The following PCSK7 variants were observed in gnomAD, a reference collection of about 807,000 sequenced individuals.
PCSK7 encodes lymphoma proprotein convertase.
PCSK7 carries 38 observed loss-of-function variants against 73.3 expected under a neutral mutation model. The observed-to-expected ratio is 0.52, with a 90% CI of 0.40 to 0.68. PCSK7 has a LOEUF of 0.68. PCSK7 is among the 30% of genes least tolerant of loss of function. The pLI, the probability that PCSK7 is intolerant of heterozygous loss-of-function variation, is 0.00. For missense variants in PCSK7, 692 were observed against 991.5 expected (o/e 0.70, Z 4.06); for synonymous variants, 296 against 383.8 (o/e 0.77, Z 2.68).
At chr11:117,224,576 T>G in intron 7 of PCSK7, 125 bp downstream of exon 7, 2 of 828,876 alleles carry the variant, frequency 2.4e-6, no homozygotes, top group Admixed American at 1.8e-5. Flanking sequence ...ACGTTAGGTG[T>G]TCTCTTCCTG....
At chr11:117,230,104 T>G in intron 2 of PCSK7, 1 of 446,166 alleles carries the variant, frequency 2.2e-6, no homozygotes, top group South Asian at 4.3e-5. Flanking sequence ...CAGCCAATCC[T>G]CACGACACCA....
At chr11:117,224,610 G>C in intron 7 of PCSK7, 91 bp downstream of exon 7, 1 of 1,014,314 alleles carries the variant, frequency 9.9e-7, no homozygotes, top group South Asian at 1.3e-5. Context: ...CGTGGAGGTG[G>C]AGTGGGAAGA....
chr11:117,208,828 C>A (rs2031568813), intron 13 of PCSK7, 69 bp downstream of exon 13: 6 of 1,486,678 alleles, frequency 4.0e-6, no homozygotes, highest in Non-Finnish European at 4.5e-6. Context: ...GGATCCACTT[C>A]TTCCATTTCT....
At chr11:117,209,304 A>G (rs1003537244) in intron 12 of PCSK7, 2 of 407,668 alleles carry the variant, frequency 4.9e-6, no homozygotes, top group African/African-American at 4.4e-5. Context: ...AGCAACTTCA[A>G]TCATTCATTC....
At chr11:117,223,155 C>T (rs1183322821) in intron 9 of PCSK7, 53 bp downstream of exon 9, 43 of 1,017,062 alleles carry the variant, frequency 4.2e-5, no homozygotes, top group Admixed American at 3.0e-4. Flanking sequence ...ATGTCTGAGA[C>T]GTGAAGTCTT....
In PCSK7 at chr11:117,224,166, G is replaced by A. The variant is rs771910214; in HGVS notation, c.966C>T (p.Ile322=). 5.0e-6 allele frequency: 8 copies of A among 1,614,078 alleles called. No homozygotes were observed. The African/African-American group carries it at 1.1e-4, about 22-fold the overall frequency. The change falls in exon 8 of 17, where the codon ATC becomes ATT. Residue 322 remains isoleucine, a synonymous_variant. Transcript: ENST00000320934. Reference sequence around the variant, plus strand: ...CTCCGTTGCCACTGGCTACCACAAAGATGCTCCCAAAGCCCTGGCGACCAG... The same window carrying A: ...CTCCGTTGCCACTGGCTACCACAAAAATGCTCCCAAAGCCCTGGCGACCAG... ...VIAGRQGFGS[I]FVVASGNGGQ...
chr11:117,226,437 C>A, intron 5 of PCSK7: 1 of 187,870 alleles, frequency 5.3e-6, no homozygotes. Context: ...AGCCCCCACG[C>A]CCAGCCCATT....
chr11:117,229,803 G>T lies in PCSK7; in HGVS notation c.42C>A (p.Pro14=), dbSNP rs761984909. ...GRQKVPHLDA[P]LGLPTCLWLE... ...GCCAGAGGCAGGTGGGCAGGCCCAG[G>T]GGGGCATCCAAGTGTGGCACTTTCT... Residue 14 remains proline, a synonymous_variant, in exon 3 of 17, where the codon CCC becomes CCA. Transcript: ENST00000320934. 2 of 1,598,732 alleles carry T rather than the reference G, an allele frequency of 1.3e-6. No homozygotes were observed. The highest frequency in any genetic ancestry group is 4.5e-5 in the East Asian group (2 of 44,670).
chr11:117,220,237 A>G (rs1162092223), intron 9 of PCSK7: 1 of 152,372 alleles, frequency 6.6e-6, no homozygotes, highest in Non-Finnish European at 1.5e-5. Context: ...TCCAGTGCAG[A>G]TAAGGGTTTC....
At position 117,205,334 on chromosome 11, in the gene PCSK7, T is replaced by G. The variant is rs925689316; in HGVS notation, c.*663A>C. On this transcript the variant is annotated 3_prime_UTR_variant, in exon 17 of 17. Coordinates refer to ENST00000320934, the MANE Select transcript of PCSK7 (RefSeq NM_004716.4). ...GGAGTGGCAGTGGCTCCCAAGGCTC[T>G]CTCCTCCAACATGTGCATCTGCCAT... The G allele has an allele frequency of 4.3e-6, 1 of 233,356 alleles. No individual in the cohort carries two copies. Among genetic ancestry groups the G allele is most frequent in the African/African-American group, 2.2e-5 (1 of 45,318 alleles). The allele number at this position is 233,356 out of a possible 1,614,324, so 14.5% of individuals were successfully genotyped here.
chr11:117,204,342 C>A lies in PCSK7; in HGVS notation c.*1655G>T. The A allele has an allele frequency of 6.2e-7, 1 of 1,614,230 alleles. No homozygotes were observed. The highest frequency in any genetic ancestry group is 2.2e-5 in the East Asian group (1 of 44,884). ...CGGCATGACAGGCTACGGACGACCT[C>A]GGCAGATCATCAGTTAGAGCGGAGA... On this transcript the variant is annotated 3_prime_UTR_variant, in exon 17 of 17. Transcript: ENST00000320934.
Position 117,227,284 on chromosome 11 carries a change from A to G in PCSK7, c.642T>C (p.Pro214=), listed in dbSNP as rs1182952450. The G allele has an allele frequency of 6.2e-7, 1 of 1,613,818 alleles. No individual in the cohort carries two copies. The change falls in exon 5 of 17, where the codon CCT becomes CCC. Residue 214 remains proline (P), a synonymous_variant. Transcript: ENST00000320934. The part of the protein sequence containing the change: ...EGSYDLNSND[P]DPMPHPDVEN... ...CCACATCCGGGTGGGGCATGGGGTC[A>G]GGGTCATTAGAGTTGAGGTCATAGC...
In PCSK7 at chr11:117,229,531, C is replaced by G. The variant is rs780730350; in HGVS notation, c.314G>C (p.Arg105Thr). 1.9e-6 allele frequency: 3 copies of G among 1,613,366 alleles called. No homozygotes were observed. ...GATGGCCTCCACCTCCAGGGCCGGC[C>G]TGTGCCCAGCAGGCTGGACAAAGAG... ...HYLFVQPAGH[R>T]PALEVEAIRQ... The change falls in exon 3 of 17, where the codon AGG (arginine) becomes ACG (threonine). Residue 105 changes from arginine (R) to threonine (T), a missense_variant. This residue lies in a region of PCSK7 where 574 missense variants were observed against 689.8 expected (regional missense o/e 0.83). Transcript: ENST00000320934.
Position 117,206,292 on chromosome 11 carries a change from A to C in PCSK7, c.2063T>G (p.Leu688Trp), listed in dbSNP as rs1398835932. 2 of 1,614,184 alleles carry C rather than the reference A, an allele frequency of 1.2e-6. No homozygotes were observed. The highest frequency in any genetic ancestry group is 1.7e-6 in the Non-Finnish European group (2 of 1,180,012). Residue 688 changes from leucine to tryptophan, a missense_variant, in exon 17 of 17, where the codon TTG (leucine) becomes TGG (tryptophan). By Grantham distance (61) the Leu-to-Trp change is moderately conservative. Around this residue, in one of 6 missense-constraint regions of PCSK7, gnomAD observed 78 missense variants for 102.6 expected, o/e 0.76. Transcript: ENST00000320934. ...ATTGGAAGCCACATTCCTCTGGCTC[A>C]AATATACTTCCAGCATGTAGTAAAC... ...WTVYYMLEVY[L>W]SQRNVASNQV...
intron 5 of PCSK7, 178 bp downstream of exon 5, chr11:117,226,979 G>GA: frequency 1.9e-6 from 1 of 519,406 alleles, no homozygotes; most frequent in Non-Finnish European, 3.3e-6. Flanking sequence ...CCACTGCACT[G>GA]AAAAATCAAT....
chr11:117,228,953 G>A (rs1565319891), intron 3 of PCSK7, among the ~76,000 whole-genome samples: 3 of 152,130 alleles, frequency 2.0e-5, no homozygotes, highest in African/African-American at 4.8e-5. Flanking sequence ...TGGTAGTATC[G>A]TATCACTTAT....
intron 9 of PCSK7, chr11:117,222,980 T>G (rs1361124286): frequency 1.9e-5 from 10 of 533,954 alleles, no homozygotes; most frequent in African/African-American, 3.8e-5. Context: ...AATATGTATA[T>G]TCGTCCTAAA....
intron 9 of PCSK7, chr11:117,221,045 C>T (rs1156721489): frequency 6.6e-6 from 1 of 152,272 alleles, no homozygotes; most frequent in Admixed American, 6.5e-5. Context: ...CGGGCCCTGC[C>T]TAAATCTGCT....
chr11:117,222,437 AACG>A (rs751711078), intron 9 of PCSK7: 3 of 152,128 alleles, frequency 2.0e-5, no homozygotes, highest in Non-Finnish European at 4.4e-5. Flanking sequence ...ATCCCATAAA[AACG>A]ACAACCAGAC....
Sources: allele counts gnomAD v4.1 joint callset (sites outside exome capture counted in the v4.1 genomes callset), GRCh38; gene constraint gnomAD v4.1.1; regional missense constraint gnomAD v4.1.1; transcripts MANE v1.5; gene names NCBI Gene and HGNC (gene_info 2026-07-23, HGNC 2026-07-21).